The following ARHGAP15 variants were observed in gnomAD, a reference collection of about 807,000 sequenced individuals.
ARHGAP15 encodes the protein Rho GTPase activating protein 15, also known as rho GTPase-activating protein 15.
A neutral mutation model predicts 63.7 loss-of-function variants in ARHGAP15; 51 were observed. The observed-to-expected ratio is 0.80, with a 90% CI of 0.64 to 1.01. The LOEUF (loss-of-function observed/expected upper bound fraction) is 1.01, where lower values mean the gene tolerates loss of function less well. Among genes scored for constraint, ARHGAP15 ranks in the 50% least tolerant of loss-of-function variants. ARHGAP15 has a pLI of 0.00. For synonymous variants in ARHGAP15, 191 were observed against 193.8 expected, an observed-to-expected ratio of 0.99 and a Z score of 0.12; for missense variants, 560 against 564.6, an observed-to-expected ratio of 0.99 and a Z score of 0.08.
rs867302132 is a variant in ARHGAP15, at chr2:143,293,613, A to G, written c.474+43013A>G. 2.6e-5 allele frequency among the ~76,000 whole-genome samples: 4 copies of G among 152,070 alleles called. No individual in the cohort carries two copies. In the South Asian group the frequency reaches 6.2e-4, roughly 24 times the overall value. On this transcript the variant is annotated intron_variant, in intron 6 of 13. Transcript: ENST00000295095. ...GTGTCTTAAACCACATCAATGTGTCAAAGATGTCAGGCTTTGTTAATGATG... is the reference window on the plus strand; with the variant it reads ...GTGTCTTAAACCACATCAATGTGTCGAAGATGTCAGGCTTTGTTAATGATG...
chr2:143,734,519 A>G (rs1456431633), intron 13 of ARHGAP15, among the ~76,000 whole-genome samples: 1 of 152,210 alleles, frequency 6.6e-6, no homozygotes, highest in African/African-American at 2.4e-5. Context: ...TGTTTTAAAA[A>G]TTCAACAAAT....
At chr2:143,302,295 C>A (rs1682941986) in intron 6 of ARHGAP15, among the ~76,000 whole-genome samples, 1 of 151,894 alleles carries the variant, frequency 6.6e-6, no homozygotes, top group Non-Finnish European at 1.5e-5. Context: ...ATTCTTGTCC[C>A]TATAAGACTG....
At chr2:143,438,222 G>A (rs533693598) in intron 8 of ARHGAP15, among the ~76,000 whole-genome samples, 1 of 152,086 alleles carries the variant, frequency 6.6e-6, no homozygotes, top group South Asian at 2.1e-4. Context: ...TCAGTAAGTT[G>A]AGAAGAGCTG....
intron 6 of ARHGAP15, among the ~76,000 whole-genome samples, chr2:143,297,363 G>C (rs1235988532): frequency 6.6e-6 from 1 of 151,958 alleles, no homozygotes; most frequent in Non-Finnish European, 1.5e-5. Flanking sequence ...AGTACTCTGT[G>C]TGTGAACATG....
chr2:143,673,094 T>A (rs1298060355), intron 12 of ARHGAP15, among the ~76,000 whole-genome samples: 1 of 152,152 alleles, frequency 6.6e-6, no homozygotes, highest in South Asian at 2.1e-4. Flanking sequence ...CTGGGCACAC[T>A]TGATGCTACA....
intron 6 of ARHGAP15, among the ~76,000 whole-genome samples, chr2:143,400,517 C>G (rs888192652): frequency 1.3e-5 from 2 of 151,834 alleles, no homozygotes; most frequent in African/African-American, 4.8e-5. Flanking sequence ...GAATTATGAG[C>G]TATCACATAA....
chr2:143,360,503 CA>C (rs61561757), intron 6 of ARHGAP15, among the ~76,000 whole-genome samples: 3,983 of 146,224 alleles, frequency 0.027, 164 homozygotes, highest in African/African-American at 0.092. Context: ...TAAATTTTAG[CA>C]AAAAAAAAAA....
chr2:143,446,119 A>C (rs1690126702), intron 8 of ARHGAP15, among the ~76,000 whole-genome samples: 1 of 149,804 alleles, frequency 6.7e-6, no homozygotes, highest in African/African-American at 2.4e-5. Flanking sequence ...AGTTTCTTGA[A>C]ATTGAGTTTC....
chr2:143,278,804 T>A (rs1000963504), intron 6 of ARHGAP15, among the ~76,000 whole-genome samples: 2 of 151,850 alleles, frequency 1.3e-5, no homozygotes, highest in African/African-American at 4.8e-5. Context: ...AAATTCATAG[T>A]CACATTTTGA....
At chr2:143,322,860 T>C (rs1389516086) in intron 6 of ARHGAP15, among the ~76,000 whole-genome samples, 2 of 152,252 alleles carry the variant, frequency 1.3e-5, no homozygotes, top group Non-Finnish European at 2.9e-5. Context: ...ATGTTGTAAG[T>C]AAGCAACACT....
chr2:143,658,496 T>G (rs1202819333), intron 12 of ARHGAP15, among the ~76,000 whole-genome samples: 5 of 152,210 alleles, frequency 3.3e-5, no homozygotes, highest in Admixed American at 2.0e-4. Context: ...AGGGTTTAGC[T>G]GTAATTGACA....
intron 1 of ARHGAP15, among the ~76,000 whole-genome samples, chr2:143,133,890 C>G (rs536987798): frequency 1.3e-5 from 2 of 152,012 alleles, no homozygotes; most frequent in Non-Finnish European, 2.9e-5. Flanking sequence ...CATAACTGCA[C>G]GCACCTCTCC....
intron 6 of ARHGAP15, among the ~76,000 whole-genome samples, chr2:143,262,014 G>A (rs1412719357): frequency 6.6e-6 from 1 of 152,110 alleles, no homozygotes; most frequent in African/African-American, 2.4e-5. Flanking sequence ...CTGTTCATGG[G>A]TGGGCGTGTC....
At chr2:143,242,283 C>A (rs1693893642) in intron 5 of ARHGAP15, among the ~76,000 whole-genome samples, 1 of 152,204 alleles carries the variant, frequency 6.6e-6, no homozygotes, top group Non-Finnish European at 1.5e-5. Context: ...GACTGCATTG[C>A]CCAGGCAGGG....
At chr2:143,141,196 C>T (rs1689347220) in intron 1 of ARHGAP15, among the ~76,000 whole-genome samples, 1 of 152,086 alleles carries the variant, frequency 6.6e-6, no homozygotes, top group Admixed American at 6.6e-5. Context: ...TTTGGAGTCA[C>T]AGTCATTCTA....
At chr2:143,235,945 G>C in intron 5 of ARHGAP15, 1 of 1,545,520 alleles carries the variant, frequency 6.5e-7, no homozygotes, top group Non-Finnish European at 8.7e-7. Context: ...TGTGATTTTA[G>C]AGCTTCTGCT....
intron 5 of ARHGAP15, chr2:143,237,055 G>C (rs1156561799): frequency 6.6e-6 from 1 of 152,146 alleles, no homozygotes; most frequent in South Asian, 2.1e-4. Flanking sequence ...ATTGGGAGAA[G>C]AGATCATTTC....
chr2:143,205,717 T>C (rs1692305497), intron 3 of ARHGAP15, among the ~76,000 whole-genome samples: 1 of 152,106 alleles, frequency 6.6e-6, no homozygotes, highest in African/African-American at 2.4e-5. Flanking sequence ...CCTCTTTCCA[T>C]TGAGCCCATC....
chr2:143,418,621 G>A (rs543342367), intron 6 of ARHGAP15, among the ~76,000 whole-genome samples: 8 of 152,096 alleles, frequency 5.3e-5, no homozygotes, highest in South Asian at 2.1e-4. Flanking sequence ...TGATTTCTAA[G>A]AATTAAAATA....
Sources: gnomAD v4.1 joint callset for allele counts (sites outside exome capture counted in the v4.1 genomes callset) on GRCh38, gnomAD v4.1.1 for gene constraint, MANE v1.5 for transcripts, NCBI Gene and HGNC (gene_info 2026-07-23, HGNC 2026-07-21) for gene names.